The following IGF2BP3 variants were observed in gnomAD, a reference collection of about 807,000 sequenced individuals.
IGF2BP3 encodes insulin like growth factor 2 mRNA binding protein 3, also known as insulin-like growth factor 2 mRNA-binding protein 3.
A neutral mutation model predicts 73.8 loss-of-function variants in IGF2BP3; 9 were observed. That is an observed-to-expected ratio of 0.12 (90% CI 0.07 to 0.21). IGF2BP3 has a LOEUF of 0.21. Among genes scored for constraint, IGF2BP3 ranks in the 10% least tolerant of loss-of-function variants. The pLI is 1.00. For missense variants in IGF2BP3, 542 were observed against 714.0 expected (o/e 0.76, Z 2.75); for synonymous variants, 258 against 256.7 (o/e 1.01, Z -0.05).
chr7:23,330,290 A>G (rs1055756264), intron 10 of IGF2BP3, among the ~76,000 whole-genome samples: 1 of 149,708 alleles, frequency 6.7e-6, no homozygotes, highest in Non-Finnish European at 1.5e-5. Context: ...TGTCTCAAAA[A>G]AATAAAATAA....
chr7:23,370,673 T>A (rs188281197), intron 3 of IGF2BP3, among the ~76,000 whole-genome samples: 1 of 150,306 alleles, frequency 6.7e-6, no homozygotes, highest in East Asian at 2.0e-4. Context: ...CTAGGTTTTT[T>A]GGTTTTTTTG....
At chr7:23,413,913 G>GA (rs1189596379) in intron 3 of IGF2BP3, 2 of 152,212 alleles carry the variant, frequency 1.3e-5, no homozygotes, top group African/African-American at 4.8e-5. Context: ...AGCACTGTGG[G>GA]AGGCCAAGGC....
chr7:23,411,000 C>T lies in IGF2BP3; in HGVS notation c.285+7776G>A, dbSNP rs183276126. Among the ~76,000 whole-genome samples the T allele has an allele frequency of 1.6e-4, 25 of 152,284 alleles. No homozygotes were observed. The East Asian group carries it at 3.7e-3, about 22-fold the overall frequency. On this transcript the variant is annotated intron_variant, in intron 3 of 14. Transcript: ENST00000258729. ...GTACCCGGCACATAAGTGCCTAGTA[C>T]GTGTCAGCTACTTATTGGCCGAGTG...
chr7:23,448,494 C>A (rs1050034887), intron 2 of IGF2BP3, among the ~76,000 whole-genome samples: 1 of 152,208 alleles, frequency 6.6e-6, no homozygotes. Flanking sequence ...CTGCAGCTCA[C>A]TGGGCTCAAG....
intron 9 of IGF2BP3, 152 bp downstream of exon 9, chr7:23,343,566 C>T: frequency 1.5e-6 from 1 of 685,664 alleles, no homozygotes; most frequent in Admixed American, 2.6e-5. Context: ...CAGTATCTTC[C>T]CTACTATCCC....
intron 10 of IGF2BP3, among the ~76,000 whole-genome samples, chr7:23,330,010 G>C (rs545789779): frequency 8.1e-4 from 123 of 152,254 alleles, no homozygotes; most frequent in Non-Finnish European, 1.8e-4. Context: ...GAGCTGCCAG[G>C]CACGGTGGCT....
rs191878581 is a variant in IGF2BP3 at position 23,418,749 on chromosome 7, C to G, written c.285+27G>C. On this transcript the variant is annotated intron_variant, in intron 3 of 14. Transcript: ENST00000258729. The stretch of plus-strand genomic sequence containing the variant: ...CAGCAATAGGCTTCCATACTTAGAT[C>G]TTAATTTTAAATACAGAAATTCTTA... 42 of 1,482,820 alleles carry G rather than the reference C, an allele frequency of 2.8e-5. No homozygotes were observed. The African/African-American group carries it at 5.4e-4, about 19-fold the overall frequency. 91.9% of individuals were successfully genotyped at this position (1,482,820 alleles called of 1,614,324 possible). A position where few individuals can be genotyped will look rare whatever the true frequency, so the allele number is the denominator to read the frequency against.
intron 2 of IGF2BP3, among the ~76,000 whole-genome samples, chr7:23,422,781 G>A (rs1787387741): frequency 6.6e-6 from 1 of 152,164 alleles, no homozygotes; most frequent in South Asian, 2.1e-4. Flanking sequence ...AAACATCTGA[G>A]TTATTTTTAT....
intron 10 of IGF2BP3, among the ~76,000 whole-genome samples, chr7:23,334,577 T>C (rs1438161476): frequency 1.3e-5 from 2 of 152,248 alleles, no homozygotes; most frequent in Non-Finnish European, 2.9e-5. Context: ...TCTAGTTGCA[T>C]TGTCTGAACC....
At chr7:23,359,277 A>G (rs1386078477) in intron 5 of IGF2BP3, among the ~76,000 whole-genome samples, 1 of 152,080 alleles carries the variant, frequency 6.6e-6, no homozygotes, top group African/African-American at 2.4e-5. Flanking sequence ...TTTTGTTTTT[A>G]AAGGAGGAAG....
chr7:23,415,574 C>T (rs377750936), intron 3 of IGF2BP3: 1 of 265,596 alleles, frequency 3.8e-6, no homozygotes, highest in South Asian at 3.3e-5. Context: ...GTCTGTCAGC[C>T]GGCGTCACTG....
intron 10 of IGF2BP3, among the ~76,000 whole-genome samples, chr7:23,333,469 T>G (rs1784491876): frequency 6.6e-6 from 1 of 152,158 alleles, no homozygotes. Context: ...CTTTCTGACA[T>G]AGTGATGAAG....
intron 2 of IGF2BP3, among the ~76,000 whole-genome samples, chr7:23,465,299 T>C (rs191813657): frequency 1.8e-4 from 27 of 152,338 alleles, no homozygotes; most frequent in Non-Finnish European, 3.7e-4. Flanking sequence ...TCTTTTATAT[T>C]TAGAATAGAG....
intron 3 of IGF2BP3, among the ~76,000 whole-genome samples, chr7:23,416,966 G>C (rs553292935): frequency 2.0e-5 from 3 of 152,280 alleles, no homozygotes; most frequent in East Asian, 3.9e-4. Flanking sequence ...TGAGGCAGGA[G>C]AATCATTTGA....
intron 10 of IGF2BP3, among the ~76,000 whole-genome samples, chr7:23,322,560 A>T (rs1286678377): frequency 6.6e-6 from 1 of 152,206 alleles, no homozygotes; most frequent in Non-Finnish European, 1.5e-5. Context: ...AGATTCAGGA[A>T]ATACAGAAAA....
intron 5 of IGF2BP3, among the ~76,000 whole-genome samples, chr7:23,353,005 G>A (rs1267714200): frequency 6.6e-6 from 1 of 151,940 alleles, no homozygotes; most frequent in Non-Finnish European, 1.5e-5. Flanking sequence ...TAGTAGAGAC[G>A]AAATAGCCCA....
intron 2 of IGF2BP3, among the ~76,000 whole-genome samples, chr7:23,452,907 A>G (rs570515395): frequency 6.7e-6 from 1 of 149,456 alleles, no homozygotes; most frequent in South Asian, 2.1e-4. Flanking sequence ...AGGTCAGGAG[A>G]TCGAGACCAT....
chr7:23,400,738 C>T (rs1046729615), intron 3 of IGF2BP3, among the ~76,000 whole-genome samples: 3 of 152,222 alleles, frequency 2.0e-5, no homozygotes, highest in Non-Finnish European at 2.9e-5. Context: ...CCATATGCAT[C>T]GCAGTGTAAT....
chr7:23,359,192 G>T (rs970169098), intron 5 of IGF2BP3, among the ~76,000 whole-genome samples: 1 of 152,304 alleles, frequency 6.6e-6, no homozygotes, highest in Admixed American at 6.5e-5. Context: ...TCGTGGTTAG[G>T]ATTCTTTTCA....
Sources: gnomAD v4.1 joint callset for allele counts (sites outside exome capture counted in the v4.1 genomes callset) on GRCh38, gnomAD v4.1.1 for gene constraint, MANE v1.5 for transcripts, NCBI Gene and HGNC (gene_info 2026-07-23, HGNC 2026-07-21) for gene names.